The following TP53TG5 variants were observed in gnomAD, a reference collection of about 807,000 sequenced individuals.
The protein encoded by TP53TG5 is TP53-target gene 5 protein.
A neutral mutation model predicts 30.0 loss-of-function variants in TP53TG5; 17 were observed. The ratio of observed to expected loss-of-function variants is 0.57; its 90% CI spans 0.39 to 0.85. The LOEUF is 0.85. TP53TG5 is among the 40% of genes least tolerant of loss of function. The pLI, the probability that TP53TG5 is intolerant of heterozygous loss-of-function variation, is 0.00. For missense variants in TP53TG5, 338 were observed against 367.9 expected, an observed-to-expected ratio of 0.92 and a Z score of 0.67; for synonymous variants, 137 against 139.2, an observed-to-expected ratio of 0.98 and a Z score of 0.11.
chr20:45,374,958 A>G, intron 4 of TP53TG5, 81 bp downstream of exon 4: 1 of 1,535,356 alleles, frequency 6.5e-7, no homozygotes. Flanking sequence ...CAGATCCTGA[A>G]CCCTGACTCT....
At chr20:45,374,751 TTTCCACCTCTGCTAAG>T (rs1988669714) in intron 4 of TP53TG5, 2 of 475,344 alleles carry the variant, frequency 4.2e-6, no homozygotes, top group Non-Finnish European at 7.4e-6. Context: ...GCCACAGCAG[TTTCCACCTCTGCTAAG>T]GCCTTCAGGC....
At chr20:45,376,711 C>T (rs1988744409) in intron 3 of TP53TG5, 1 of 151,566 alleles carries the variant, frequency 6.6e-6, no homozygotes, top group Non-Finnish European at 1.5e-5. Context: ...TTTCTTAATA[C>T]TGTCATGTGA....
rs1988587711 is a variant in TP53TG5 at position 45,372,575 on chromosome 20, G to C, written c.*1332C>G. 1 of 152,300 alleles carries C rather than the reference G, an allele frequency of 6.6e-6. No homozygotes were observed. The highest frequency in any genetic ancestry group is 1.5e-5 in the Non-Finnish European group (1 of 68,090). 9.4% of individuals were successfully genotyped at this position (152,300 alleles called of 1,614,324 possible). On this transcript the variant is annotated 3_prime_UTR_variant, in exon 5 of 5. Transcript: ENST00000372726. The stretch of plus-strand genomic sequence containing the variant: ...GCAAAGGTTGATGGAATGGAAGAGT[G>C]AGTAGAGATTATTTTCGAAAGTTGA...
At position 45,377,224 on chromosome 20, in the gene TP53TG5, C is replaced by T. The variant is rs779918002; in HGVS notation, c.242G>A (p.Arg81His). ...HSLLSVPKILRISSGENSACN... is the reference protein window; with the variant it reads ...HSLLSVPKILHISSGENSACN... Reference sequence around the variant, plus strand: ...GGCCCCAGCTTACCCAGAGGAGATGCGGAGAATCTTTGGAACACTGAGCAG... The same window carrying T: ...GGCCCCAGCTTACCCAGAGGAGATGTGGAGAATCTTTGGAACACTGAGCAG... Residue 81 changes from arginine to histidine, a missense_variant, in exon 3 of 5, where the codon CGC becomes CAC. By Grantham distance (29) the Arg-to-His change is conservative. Coordinates refer to ENST00000372726, the MANE Select transcript of TP53TG5 (RefSeq NM_014477.3). 46 of 1,613,684 alleles carry T rather than the reference C, an allele frequency of 2.9e-5. No homozygotes were observed. The highest frequency in any genetic ancestry group is 1.7e-4 in the Middle Eastern group (1 of 5,748).
Position 45,373,827 on chromosome 20 carries a change from GC to G in TP53TG5, c.*79del. On this transcript the variant is annotated 3_prime_UTR_variant, in exon 5 of 5. Coordinates refer to ENST00000372726, the MANE Select transcript of TP53TG5 (RefSeq NM_014477.3). ...GCGACACAGGCTCCCTCTACCGAAGGCCTCTTTCCTTCATCCTTCCCAGCCC... is the reference window on the plus strand; with the variant it reads ...GCGACACAGGCTCCCTCTACCGAAGGCTCTTTCCTTCATCCTTCCCAGCCC... 7.3e-7 allele frequency: 1 copy of G among 1,373,002 alleles called. No individual in the cohort carries two copies. Among genetic ancestry groups the G allele is most frequent in the Non-Finnish European group, 1.0e-6 (1 of 963,986 alleles). The allele number at this position is 1,373,002 out of a possible 1,614,324, so 85.1% of individuals were successfully genotyped here.
chr20:45,373,830 T>G lies in TP53TG5; in HGVS notation c.*77A>C. On this transcript the variant is annotated 3_prime_UTR_variant, in exon 5 of 5. Coordinates refer to ENST00000372726, the MANE Select transcript of TP53TG5 (RefSeq NM_014477.3). ...ACACAGGCTCCCTCTACCGAAGGCC[T>G]CTTTCCTTCATCCTTCCCAGCCCCA... is the stretch of plus-strand genomic sequence containing the variant. 1 of 1,439,012 alleles carries G rather than the reference T, an allele frequency of 6.9e-7. No homozygotes were observed. The highest frequency in any genetic ancestry group is 1.4e-5 in the African/African-American group (1 of 71,530). 89.1% of individuals were successfully genotyped at this position (1,439,012 alleles called of 1,614,324 possible). A position where few individuals can be genotyped will look rare whatever the true frequency, so the allele number is the denominator to read the frequency against.
intron 3 of TP53TG5, chr20:45,375,788 A>G: frequency 3.7e-6 from 2 of 547,070 alleles, no homozygotes; most frequent in Non-Finnish European, 6.4e-6. Context: ...GCCCCTAAGA[A>G]TGAATATTGT....
At chr20:45,374,057 G>A (rs1186780238) in intron 4 of TP53TG5, 46 bp from the exon 5 acceptor site, 3 of 1,590,942 alleles carry the variant, frequency 1.9e-6, no homozygotes, top group Non-Finnish European at 2.6e-6. Context: ...TGTCCCCAGG[G>A]GGCGCTGGTC....
chr20:45,376,668 G>A (rs1207559200), intron 3 of TP53TG5: 1 of 151,974 alleles, frequency 6.6e-6, no homozygotes, highest in Non-Finnish European at 1.5e-5. Context: ...AACACTGTAG[G>A]ATGGTACTTA....
intron 4 of TP53TG5, 81 bp from the exon 5 acceptor site, chr20:45,374,092 A>G: frequency 7.4e-7 from 1 of 1,345,912 alleles, no homozygotes; most frequent in Non-Finnish European, 1.1e-6. Context: ...CGCAGGGACA[A>G]GGGTGCTGTG....
intron 3 of TP53TG5, 127 bp downstream of exon 3, chr20:45,377,085 A>G (rs1988755211): frequency 8.0e-7 from 1 of 1,252,558 alleles, no homozygotes; most frequent in Admixed American, 2.3e-5. Flanking sequence ...AGTAAAATAG[A>G]GTTAATAAAT....
At chr20:45,374,681 C>G (rs868745193) in intron 4 of TP53TG5, 17 of 426,576 alleles carry the variant, frequency 4.0e-5, no homozygotes, top group Non-Finnish European at 6.2e-5. Context: ...CCATCTCCCC[C>G]CTCCCACATT....
At chr20:45,374,112 AGGTT>A in intron 4 of TP53TG5, 101 bp from the exon 5 acceptor site, 1 of 1,119,198 alleles carries the variant, frequency 8.9e-7, no homozygotes, top group South Asian at 1.2e-5. Flanking sequence ...GGTGTCTGGT[AGGTT>A]GGAAATGCCT....
chr20:45,373,856 G>T lies in TP53TG5; in HGVS notation c.*51C>A. The T allele has an allele frequency of 6.4e-7, 1 of 1,562,024 alleles. No homozygotes were observed. ...CTTTCCTTCATCCTTCCCAGCCCCAGACAAACAGGCAGAGTAAGCAGTATT... is the reference window on the plus strand; with the variant it reads ...CTTTCCTTCATCCTTCCCAGCCCCATACAAACAGGCAGAGTAAGCAGTATT... On this transcript the variant is annotated 3_prime_UTR_variant, in exon 5 of 5. Coordinates refer to ENST00000372726, the MANE Select transcript of TP53TG5 (RefSeq NM_014477.3).
rs142087110 is a variant in TP53TG5 at position 45,377,899 on chromosome 20, G to A, written c.49-286C>T. Reference sequence around the variant, plus strand: ...GAAGGCTGCAGTCAGCTGAGATCTCGCCACTGCACTCCAGCCTGGGCGACA... The same window carrying A: ...GAAGGCTGCAGTCAGCTGAGATCTCACCACTGCACTCCAGCCTGGGCGACA... On this transcript the variant is annotated intron_variant, in intron 1 of 4. Transcript: ENST00000372726. Among the ~76,000 whole-genome samples, 4,155 of 152,196 alleles carry A rather than the reference G, an allele frequency of 0.027. 187 individuals are homozygous for A. Among genetic ancestry groups the A allele is most frequent in the African/African-American group, 0.095 (3,932 of 41,528 alleles).
chr20:45,373,992 C>G lies in TP53TG5; in HGVS notation c.788G>C (p.Arg263Thr). ...HPYKVDVTWT[R>T]ARGASRGWRS... ...CCACCCTCTGCTCGCACCTCTGGCT[C>G]TCGTCCAGGTCACATCAACCTGCCA... The change falls in exon 5 of 5, where the codon AGA (arginine) becomes ACA (threonine). Residue 263 changes from arginine (R) to threonine (T), a missense_variant. Coordinates refer to ENST00000372726, the MANE Select transcript of TP53TG5 (RefSeq NM_014477.3). 6.2e-7 allele frequency: 1 copy of G among 1,614,092 alleles called. No individual in the cohort carries two copies. Among genetic ancestry groups the G allele is most frequent in the Non-Finnish European group, 8.5e-7 (1 of 1,180,030 alleles).
At position 45,378,198 on chromosome 20, in the gene TP53TG5, C is replaced by T. The variant is rs1248783795; in HGVS notation, c.39G>A (p.Arg13=). 1.1e-5 allele frequency: 18 copies of T among 1,613,996 alleles called. No individual in the cohort carries two copies. The Admixed American group carries it at 3.0e-4, about 27-fold the overall frequency. The change falls in exon 1 of 5, where the codon AGG becomes AGA. Residue 13 remains arginine, a synonymous_variant. Transcript: ENST00000372726. ...TAGTCCCAAGTCTGACCTTGGAAAC[C>T]CTGCTGTTCTTGGGCCTCTTCTTTG... The part of the protein sequence containing the change: ...PSAKKRPKNS[R]VSKMQDEKLR...
At chr20:45,375,618 A>G (rs780206544) in intron 3 of TP53TG5, 66 bp from the exon 4 acceptor site, 248 of 1,536,710 alleles carry the variant, frequency 1.6e-4, no homozygotes, top group Non-Finnish European at 2.0e-4. Context: ...GACAGTTGCT[A>G]TGTAGCCAGC....
rs1988627712 is a variant in TP53TG5 at position 45,373,722 on chromosome 20, G to A, written c.*185C>T. The A allele has an allele frequency of 4.9e-6, 3 of 609,562 alleles. No individual in the cohort carries two copies. Among genetic ancestry groups the A allele is most frequent in the African/African-American group, 3.7e-5 (2 of 54,036 alleles). The allele number at this position is 609,562 out of a possible 1,614,324, so 37.8% of individuals were successfully genotyped here. The stretch of plus-strand genomic sequence containing the variant: ...AGGAGACTAGCTCGCGGAGGTGGGG[G>A]AGGGGTGCTGCTCGCTGGCTTCTTT... On this transcript the variant is annotated 3_prime_UTR_variant, in exon 5 of 5. Transcript: ENST00000372726.
Sources: gnomAD v4.1 joint callset for allele counts (sites outside exome capture counted in the v4.1 genomes callset) on GRCh38, gnomAD v4.1.1 for gene constraint, MANE v1.5 for transcripts, NCBI Gene and HGNC (gene_info 2026-07-23, HGNC 2026-07-21) for gene names.